SPEG: variants seen among roughly 807,000 people sequenced by gnomAD.
SPEG encodes striated muscle enriched protein kinase, also known as striated muscle preferentially expressed protein kinase.
Under a neutral mutation model 300.4 loss-of-function variants are expected in SPEG, and 114 were observed. That is an observed-to-expected ratio of 0.38 (90% CI 0.33 to 0.44). The LOEUF is 0.44. Among genes scored for constraint, SPEG ranks in the 20% least tolerant of loss-of-function variants. SPEG has a pLI of 1.00. For missense variants in SPEG, 4,201 were observed against 4,586.2 expected (o/e 0.92, Z 2.43); for synonymous variants, 1,964 against 2,018.9 (o/e 0.97, Z 0.73).
chr2:219,489,620 A>G lies in SPEG; in HGVS notation c.8602A>G (p.Thr2868Ala). ...GCCCACCCTACCCAGTACCCACGTC[A>G]CCCCAAGTGAGCCCAAGCCTTTCGT... The part of the protein sequence containing the change: ...AEPTLPSTHV[T>A]PSEPKPFVLD... The change falls in exon 36 of 41, where the codon ACC (threonine) becomes GCC (alanine). Residue 2868 changes from threonine (T) to alanine (A), a missense_variant. Physicochemically the swap from Thr to Ala is moderately conservative, Grantham distance 58 (BLOSUM62 0). Coordinates refer to ENST00000312358, the MANE Select transcript of SPEG (RefSeq NM_005876.5). The G allele has an allele frequency of 6.2e-7, 1 of 1,613,484 alleles. No homozygotes were observed. The highest frequency in any genetic ancestry group is 1.1e-5 in the South Asian group (1 of 91,054).
chr2:219,472,806 T>G (rs772090387), intron 15 of SPEG, 84 bp from the exon 16 acceptor site: 20 of 1,136,588 alleles, frequency 1.8e-5, no homozygotes, highest in Non-Finnish European at 2.5e-5. Context: ...AGACTAATGA[T>G]GAGTTCCAGG....
chr2:219,484,538 G>C lies in SPEG; in HGVS notation c.7075G>C (p.Glu2359Gln). 1 of 1,596,224 alleles carries C rather than the reference G, an allele frequency of 6.3e-7. No homozygotes were observed. The highest frequency in any genetic ancestry group is 8.5e-7 in the Non-Finnish European group (1 of 1,174,534). The change falls in exon 30 of 41, where the codon GAG (glutamate) becomes CAG (glutamine). Residue 2359 changes from glutamate to glutamine, a missense_variant. Around this residue, in one of 4 missense-constraint regions of SPEG, gnomAD observed 1,578 missense variants for 1,506.0 expected, o/e 1.05. Transcript: ENST00000312358. Reference sequence around the variant, plus strand: ...GCTGCTGAGCCGTTCGCGCTCGGAGGAGCGCGGCCCCTTCCGTGGGGCCGA... The same window carrying C: ...GCTGCTGAGCCGTTCGCGCTCGGAGCAGCGCGGCCCCTTCCGTGGGGCCGA... ...LRLLSRSRSEERGPFRGAEEE... is the reference protein window; with the variant it reads ...LRLLSRSRSEQRGPFRGAEEE...
intron 13 of SPEG, among the ~76,000 whole-genome samples, chr2:219,469,856 TG>T (rs1271787018): frequency 2.0e-5 from 3 of 152,120 alleles, no homozygotes; most frequent in Non-Finnish European, 2.9e-5. Context: ...AAAGCAGGTG[TG>T]GGCAGTGTCT....
rs1327464996 is a variant in SPEG, at chr2:219,464,528, G to A, written c.2801G>A (p.Arg934His). Residue 934 changes from arginine to histidine, a missense_variant, in exon 9 of 41, where the codon CGT (arginine) becomes CAT (histidine). Arg to His is a conservative substitution (Grantham distance 29, BLOSUM62 0). This residue lies in a region of SPEG where 1,047 missense variants were observed against 1,356.8 expected (regional missense o/e 0.77). Coordinates refer to ENST00000312358, the MANE Select transcript of SPEG (RefSeq NM_005876.5). This position sits in a 1 kb window ranked among gnomAD's most constrained non-coding sequence, Gnocchi z 4.5. ...CGGCTGCGGATCCTGGCTGCAGAGC[G>A]TGGCGATGCTGGTTTCTACACTTGC... ...LCRLRILAAE[R>H]GDAGFYTCKA... 5 of 1,614,248 alleles carry A rather than the reference G, an allele frequency of 3.1e-6. No individual in the cohort carries two copies. Among genetic ancestry groups the A allele is most frequent in the East Asian group, 2.2e-5 (1 of 44,892 alleles).
Position 219,480,752 on chromosome 2 carries a change from T to C in SPEG, c.5369+55T>C. 6.4e-7 allele frequency: 1 copy of C among 1,553,950 alleles called. No individual in the cohort carries two copies. Among genetic ancestry groups the C allele is most frequent in the Non-Finnish European group, 8.9e-7 (1 of 1,125,548 alleles). ...TCTCCTGGCAGGTCTACCCCTAACCTTTGCAGGGCTGCAGCCCACCCCCTT... is the reference window on the plus strand; with the variant it reads ...TCTCCTGGCAGGTCTACCCCTAACCCTTGCAGGGCTGCAGCCCACCCCCTT... On this transcript the variant is annotated intron_variant, in intron 26 of 40. Transcript: ENST00000312358. This position sits in a 1 kb window ranked among gnomAD's most constrained non-coding sequence, Gnocchi z 5.3.
In SPEG at chr2:219,472,423, G is replaced by A. The variant is rs558745171; in HGVS notation, c.3940+92G>A. 3.1e-4 allele frequency: 345 copies of A among 1,099,376 alleles called. No homozygotes were observed. The African/African-American group carries it at 4.6e-3, about 15-fold the overall frequency. The allele number at this position is 1,099,376 out of a possible 1,614,324, so 68.1% of individuals were successfully genotyped here. A position where few individuals can be genotyped will look rare whatever the true frequency, so the allele number is the denominator to read the frequency against. On this transcript the variant is annotated intron_variant, in intron 15 of 40. Transcript: ENST00000312358. ...ACCATGGGGGCCAGGCCCCAGAAGC[G>A]GATGGGCAGGGGCAGGAGCTGATGG...
chr2:219,445,006 C>T lies in SPEG; in HGVS notation c.660C>T (p.Ala220=), dbSNP rs773004634. The change falls in exon 3 of 41, where the codon GCC becomes GCT. Residue 220 remains alanine, a synonymous_variant. Coordinates refer to ENST00000312358, the MANE Select transcript of SPEG (RefSeq NM_005876.5). This position sits in a 1 kb window ranked among gnomAD's most constrained non-coding sequence, Gnocchi z 6.1. The part of the protein sequence containing the change: ...GSPRQAQATG[A]GPRHLGVEPL... ...CAAGGCAAGCACAGGCAACCGGGGC[C>T]GGGCCACGGCACCTGGGGGTGGAGC... The T allele has an allele frequency of 8.1e-6, 13 of 1,610,314 alleles. No homozygotes were observed. Among genetic ancestry groups the T allele is most frequent in the African/African-American group, 1.3e-5 (1 of 74,812 alleles).
At position 219,491,990 on chromosome 2, in the gene SPEG, AC is replaced by A. The variant is rs575977634; in HGVS notation, c.9462-120del. Reference sequence around the variant, plus strand: ...CCCTGTACACACATCCACACTGCACACTCACACTCAGGTGCACAGTAGCATG... The same window carrying A: ...CCCTGTACACACATCCACACTGCACATCACACTCAGGTGCACAGTAGCATG... On this transcript the variant is annotated intron_variant, in intron 39 of 40. Transcript: ENST00000312358. The A allele has an allele frequency of 2.2e-4, 294 of 1,348,642 alleles. 2 individuals carry two copies. In the East Asian group the frequency reaches 6.4e-3, roughly 29 times the overall value. The allele number at this position is 1,348,642 out of a possible 1,614,324, so 83.5% of individuals were successfully genotyped here.
At position 219,479,958 on chromosome 2, in the gene SPEG, C is replaced by G; in HGVS notation, c.5164-4C>G. On this transcript the variant is annotated splice_region_variant and splice_polypyrimidine_tract_variant and intron_variant, in intron 24 of 40. Coordinates refer to ENST00000312358, the MANE Select transcript of SPEG (RefSeq NM_005876.5). This position sits in a 1 kb window ranked among gnomAD's most constrained non-coding sequence, Gnocchi z 5.5. ...GCCCGCACACCTCGCCTTGTGTCTT[C>G]CAGCCTGAGAACCTGCTGGTGTGGG... The G allele has an allele frequency of 6.2e-7, 1 of 1,614,212 alleles. No homozygotes were observed. The highest frequency in any genetic ancestry group is 8.5e-7 in the Non-Finnish European group (1 of 1,180,012).
intron 1 of SPEG, chr2:219,437,157 T>C (rs1196905588): frequency 6.6e-6 from 1 of 152,222 alleles, no homozygotes; most frequent in Non-Finnish European, 1.5e-5. Context: ...CCAGTCCTCC[T>C]GGTTTTGGTT....
chr2:219,484,980 T>C lies in SPEG; in HGVS notation c.7517T>C (p.Leu2506Pro). The C allele has an allele frequency of 6.5e-7, 1 of 1,530,784 alleles. No homozygotes were observed. The highest frequency in any genetic ancestry group is 1.4e-5 in the African/African-American group (1 of 72,808). The allele number at this position is 1,530,784 out of a possible 1,614,324, so 94.8% of individuals were successfully genotyped here. Residue 2506 changes from leucine (L) to proline (P), a missense_variant, in exon 30 of 41, where the codon CTT becomes CCT. Leu to Pro is a moderately conservative substitution (Grantham distance 98). Coordinates refer to ENST00000312358, the MANE Select transcript of SPEG (RefSeq NM_005876.5). Reference protein sequence around the residue: ...SEGESLRRLGLPHNQLAAQAG... With the variant: ...SEGESLRRLGPPHNQLAAQAG... ...GGCGAGAGTCTGCGGCGCCTTGGCC[T>C]TCCGCACAACCAGTTGGCCGCCCAG...
At chr2:219,435,427 G>A in intron 1 of SPEG, 62 bp downstream of exon 1, 3 of 1,469,120 alleles carry the variant, frequency 2.0e-6, no homozygotes, top group Non-Finnish European at 2.7e-6. Context: ...GAAAAGGGCT[G>A]CCCAGGCCAC....
At chr2:219,460,441 G>C in intron 6 of SPEG, 1 of 985,438 alleles carries the variant, frequency 1.0e-6, no homozygotes, top group Non-Finnish European at 1.2e-6. Flanking sequence ...TTCTTTGGTG[G>C]ACGTGTCAGA....
Position 219,444,083 on chromosome 2 carries a change from G to GC in SPEG, c.389-564dup, listed in dbSNP as rs758528441. ...CGGTAGGAAACTGGCTCCTGCTCTA[G>GC]CCCCCCGCATCCCCCCCTTTCCCAC... On this transcript the variant is annotated intron_variant, in intron 1 of 40. Coordinates refer to ENST00000312358, the MANE Select transcript of SPEG (RefSeq NM_005876.5). The surrounding 1 kb of genome is among the most constrained non-coding windows in gnomAD (Gnocchi z 7.8). 2 of 1,360,334 alleles carry GC rather than the reference G, an allele frequency of 1.5e-6. No homozygotes were observed. Among genetic ancestry groups the GC allele is most frequent in the Non-Finnish European group, 9.8e-7 (1 of 1,019,020 alleles). 84.3% of individuals were successfully genotyped at this position (1,360,334 alleles called of 1,614,324 possible).
Position 219,443,233 on chromosome 2 carries a change from C to G in SPEG, c.389-1420C>G. ...TGTCCCTCTGTGAGGCATCGAGTTC[C>G]TGAAGACAGCCCATGAGATGTGGAA... On this transcript the variant is annotated intron_variant, in intron 1 of 40. Coordinates refer to ENST00000312358, the MANE Select transcript of SPEG (RefSeq NM_005876.5). This position sits in a 1 kb window ranked among gnomAD's most constrained non-coding sequence, Gnocchi z 4.6. 7.4e-7 allele frequency: 1 copy of G among 1,343,114 alleles called. No individual in the cohort carries two copies. The highest frequency in any genetic ancestry group is 2.3e-5 in the East Asian group (1 of 43,648). 83.2% of individuals were successfully genotyped at this position (1,343,114 alleles called of 1,614,324 possible).
chr2:219,444,733 A>C lies in SPEG; in HGVS notation c.469A>C (p.Thr157Pro). Residue 157 changes from threonine (T) to proline (P), a missense_variant, in exon 2 of 41, where the codon ACC (threonine) becomes CCC (proline). Transcript: ENST00000312358. The surrounding 1 kb of genome is among the most constrained non-coding windows in gnomAD (Gnocchi z 7.8). Reference sequence around the variant, plus strand: ...GCTTCGGGATGACGGGGCCTTCAGCACCCCCACGGGTGAGCTCCTGGGGTG... The same window carrying C: ...GCTTCGGGATGACGGGGCCTTCAGCCCCCCCACGGGTGAGCTCCTGGGGTG... ...LELRDDGAFS[T>P]PTGGSDTLVG... 6.2e-7 allele frequency: 1 copy of C among 1,613,772 alleles called. No homozygotes were observed. Among genetic ancestry groups the C allele is most frequent in the Non-Finnish European group, 8.5e-7 (1 of 1,179,880 alleles).
chr2:219,448,936 G>T lies in SPEG; in HGVS notation c.1778G>T (p.Arg593Leu). The change falls in exon 4 of 41, where the codon CGG becomes CTG. Residue 593 changes from arginine (R) to leucine (L), a missense_variant. By Grantham distance (102) the Arg-to-Leu change is moderately radical. Coordinates refer to ENST00000312358, the MANE Select transcript of SPEG (RefSeq NM_005876.5). Reference protein sequence around the residue: ...GEGPQQEVRRRDQFPLTRSRA... With the variant: ...GEGPQQEVRRLDQFPLTRSRA... ...GGCCCGCAGCAGGAGGTTAGGCGTC[G>T]GGACCAATTCCCGCTGACCCGGAGC... 6.7e-7 allele frequency: 1 copy of T among 1,493,938 alleles called. No homozygotes were observed. 92.5% of individuals were successfully genotyped at this position (1,493,938 alleles called of 1,614,324 possible). A position where few individuals can be genotyped will look rare whatever the true frequency, so the allele number is the denominator to read the frequency against.
At chr2:219,476,831 A>G (rs1333099189) in intron 18 of SPEG, 39 bp from the exon 19 acceptor site, 1 of 1,534,628 alleles carries the variant, frequency 6.5e-7, no homozygotes, top group Non-Finnish European at 9.0e-7. Flanking sequence ...GCCAGCCCCT[A>G]GCCCCTTCTC....
At chr2:219,468,460 C>G in intron 10 of SPEG, 118 bp from the exon 11 acceptor site, 9 of 1,189,934 alleles carry the variant, frequency 7.6e-6, no homozygotes, top group Non-Finnish European at 1.1e-5. Flanking sequence ...TACCCAGAGC[C>G]TTTGCTGGGC....
Sources: gnomAD v4.1 joint callset for allele counts (sites outside exome capture counted in the v4.1 genomes callset) on GRCh38, gnomAD v4.1.1 for gene constraint, gnomAD v4.1.1 regional missense constraint, Gnocchi (gnomAD v3.1) non-coding constraint, MANE v1.5 for transcripts, NCBI Gene and HGNC (gene_info 2026-07-23, HGNC 2026-07-21) for gene names.